Variants in SRBD1 observed in about 807,000 individuals in gnomAD.
The protein encoded by SRBD1 is S1 RNA-binding domain-containing protein 1.
In SRBD1, 88 loss-of-function variants were observed where a neutral mutation model predicts 115.3. The observed-to-expected ratio is 0.76, with a 90% CI of 0.64 to 0.91. The LOEUF is 0.91. Among genes scored for constraint, SRBD1 ranks in the 40% least tolerant of loss-of-function variants. SRBD1 has a pLI of 0.00. For missense variants in SRBD1, 1,385 were observed against 1,177.4 expected (o/e 1.18, Z -2.58); for synonymous variants, 509 against 407.7 (o/e 1.25, Z -2.99).
intron 14 of SRBD1, among the ~76,000 whole-genome samples, chr2:45,492,084 G>C (rs576474978): frequency 6.6e-6 from 1 of 152,178 alleles, no homozygotes; most frequent in African/African-American, 2.4e-5. Context: ...GCCTCCCAAA[G>C]GGCTGGGATC....
rs1453652746 is a variant in SRBD1 at position 45,389,416 on chromosome 2, T to A, written c.2882A>T (p.Lys961Met). ...VTEAKLSKTK[K>M]RRSLGLGPGE... ...GGGGCCCAGTCCAAGGCTTCTTCTC[T>A]TCTTTGTTTTTGAAAGTTTTGCTTC... The change falls in exon 21 of 21, where the codon AAG becomes ATG. Residue 961 changes from lysine (K) to methionine (M), a missense_variant. Lys to Met is a moderately conservative substitution (Grantham distance 95). Coordinates refer to ENST00000263736, the MANE Select transcript of SRBD1 (RefSeq NM_018079.5). 6.2e-7 allele frequency: 1 copy of A among 1,614,128 alleles called. No individual in the cohort carries two copies. The highest frequency in any genetic ancestry group is 8.5e-7 in the Non-Finnish European group (1 of 1,179,978).
chr2:45,554,033 T>C (rs766688852), intron 10 of SRBD1, among the ~76,000 whole-genome samples: 7 of 152,120 alleles, frequency 4.6e-5, no homozygotes, highest in Non-Finnish European at 1.0e-4. Context: ...TACAAGAAAG[T>C]CACCAAAAAA....
chr2:45,579,881 C>T lies in SRBD1; in HGVS notation c.1066G>A (p.Val356Ile), dbSNP rs949411249. 1.0e-5 allele frequency: 16 copies of T among 1,574,648 alleles called. No individual in the cohort carries two copies. Among genetic ancestry groups the T allele is most frequent in the Middle Eastern group, 1.7e-4 (1 of 5,904 alleles). Residue 356 changes from valine (V) to isoleucine (I), a missense_variant, in exon 7 of 21, where the codon GTT becomes ATT. Physicochemically the swap from Val to Ile is conservative, Grantham distance 29. Coordinates refer to ENST00000263736, the MANE Select transcript of SRBD1 (RefSeq NM_018079.5). Reference protein sequence around the residue: ...LSLLSYIRPDVKGLSTLQDIE... With the variant: ...LSLLSYIRPDIKGLSTLQDIE... The stretch of plus-strand genomic sequence containing the variant: ...CTGTAAATAAAGCCAGTACCTTTAA[C>T]GTCAGGCCTAATGTACGATAGCAGA...
chr2:45,540,328 G>C (rs142416518), intron 14 of SRBD1, among the ~76,000 whole-genome samples: 2,954 of 148,828 alleles, frequency 0.02, 92 homozygotes, highest in African/African-American at 0.07. Flanking sequence ...GCGACAGAGA[G>C]AGAGTCCATC....
At chr2:45,458,779 C>A (rs944080339) in intron 16 of SRBD1, among the ~76,000 whole-genome samples, 2 of 152,144 alleles carry the variant, frequency 1.3e-5, no homozygotes, top group African/African-American at 4.8e-5. Context: ...TCCCTTAAGT[C>A]TGAAATGAAT....
intron 16 of SRBD1, among the ~76,000 whole-genome samples, chr2:45,458,399 G>A (rs1412342647): frequency 6.6e-6 from 1 of 152,128 alleles, no homozygotes; most frequent in Non-Finnish European, 1.5e-5. Flanking sequence ...GCATAAGCCA[G>A]ACTGAAAGTA....
intron 14 of SRBD1, among the ~76,000 whole-genome samples, chr2:45,540,340 TA>T (rs755106184): frequency 0.019 from 2,497 of 130,082 alleles, 61 homozygotes; most frequent in African/African-American, 0.056. Context: ...GAGTCCATCT[TA>T]AAAAAAAAAA....
chr2:45,414,353 C>CA (rs1190962550), intron 18 of SRBD1, among the ~76,000 whole-genome samples: 1 of 151,834 alleles, frequency 6.6e-6, no homozygotes, highest in African/African-American at 2.4e-5. Flanking sequence ...GCAGAAACCA[C>CA]AAAAACTGAT....
At chr2:45,524,348 A>T (rs1671376870) in intron 14 of SRBD1, among the ~76,000 whole-genome samples, 1 of 152,080 alleles carries the variant, frequency 6.6e-6, no homozygotes, top group Non-Finnish European at 1.5e-5. Context: ...CCATAGTAGA[A>T]AGGAAGAAGA....
chr2:45,588,006 C>G (rs1000657824), intron 4 of SRBD1, among the ~76,000 whole-genome samples: 22 of 152,154 alleles, frequency 1.4e-4, no homozygotes, highest in African/African-American at 5.1e-4. Flanking sequence ...TCTTAAGAAC[C>G]AGTCAACTTG....
intron 19 of SRBD1, among the ~76,000 whole-genome samples, chr2:45,412,735 A>G (rs1259906536): frequency 6.6e-6 from 1 of 152,244 alleles, no homozygotes; most frequent in Non-Finnish European, 1.5e-5. Flanking sequence ...AATAAAGATA[A>G]TATTAAGAAA....
intron 19 of SRBD1, among the ~76,000 whole-genome samples, chr2:45,402,099 C>T (rs533272301): frequency 9.9e-5 from 15 of 152,224 alleles, no homozygotes; most frequent in Non-Finnish European, 1.0e-4. Flanking sequence ...TTTAGCTCCA[C>T]GGCAGGGAGC....
chr2:45,511,617 G>C (rs1670972510), intron 14 of SRBD1, among the ~76,000 whole-genome samples: 1 of 152,206 alleles, frequency 6.6e-6, no homozygotes, highest in African/African-American at 2.4e-5. Context: ...GGCTACTAGA[G>C]TGATCAAAGT....
chr2:45,572,270 C>A (rs947817877), intron 9 of SRBD1, among the ~76,000 whole-genome samples: 1 of 151,938 alleles, frequency 6.6e-6, no homozygotes, highest in Non-Finnish European at 1.5e-5. Flanking sequence ...ACCAAGAATT[C>A]TATATTTTAA....
intron 4 of SRBD1, among the ~76,000 whole-genome samples, 162 bp downstream of exon 4, chr2:45,599,287 G>A (rs1380719195): frequency 1.3e-5 from 2 of 152,160 alleles, no homozygotes; most frequent in Non-Finnish European, 1.5e-5. Flanking sequence ...ACAAAACAGT[G>A]TACCCAAGAA....
intron 13 of SRBD1, 88 bp downstream of exon 13, chr2:45,547,434 T>C (rs2104035171): frequency 8.4e-7 from 1 of 1,186,606 alleles, no homozygotes. Context: ...GGCACCTCCC[T>C]TAATCCCTCC....
At chr2:45,395,797 A>T (rs1667131014) in intron 19 of SRBD1, among the ~76,000 whole-genome samples, 1 of 152,208 alleles carries the variant, frequency 6.6e-6, no homozygotes, top group South Asian at 2.1e-4. Flanking sequence ...GATAGGAAAC[A>T]ATGTTTTATG....
rs1039742985 is a variant in SRBD1 at position 45,596,716 on chromosome 2, T to C, written c.648+2733A>G. ...AGCCGAGCTCATAACAAGTCATCTATAAATAAATGGTAAGTATTATGATCC... is the reference window on the plus strand; with the variant it reads ...AGCCGAGCTCATAACAAGTCATCTACAAATAAATGGTAAGTATTATGATCC... On this transcript the variant is annotated intron_variant, in intron 4 of 20. Transcript: ENST00000263736. Among the ~76,000 whole-genome samples the C allele has an allele frequency of 4.6e-5, 7 of 152,158 alleles. No homozygotes were observed. In the East Asian group the frequency reaches 1.3e-3, roughly 29 times the overall value.
intron 9 of SRBD1, among the ~76,000 whole-genome samples, chr2:45,566,405 A>G (rs957874387): frequency 1.3e-5 from 2 of 152,380 alleles, no homozygotes; most frequent in South Asian, 2.1e-4. Flanking sequence ...AATACATACC[A>G]TAACAGACAA....
Sources: allele counts gnomAD v4.1 joint callset (sites outside exome capture counted in the v4.1 genomes callset), GRCh38; gene constraint gnomAD v4.1.1; transcripts MANE v1.5; gene names NCBI Gene and HGNC (gene_info 2026-07-23, HGNC 2026-07-21).